ARID1B: variants seen among roughly 807,000 people sequenced by gnomAD.
ARID1B encodes the protein AT-rich interactive domain-containing protein 1B.
A neutral mutation model predicts 212.3 loss-of-function variants in ARID1B; 30 were observed. That is an observed-to-expected ratio of 0.14 (90% CI 0.11 to 0.19). ARID1B has a LOEUF of 0.19. Ranked by LOEUF, ARID1B falls within the 10% of genes least tolerant of loss-of-function variation. The probability of loss-of-function intolerance (pLI) is 1.00; values close to 1 mark genes in which losing one functional copy is unlikely to be tolerated. For missense variants in ARID1B, 2,891 were observed against 3,204.0 expected, an observed-to-expected ratio of 0.90 and a Z score of 2.36; for synonymous variants, 1,402 against 1,301.7, an observed-to-expected ratio of 1.08 and a Z score of -1.66.
chr6:157,063,628 G>C (rs772908050), intron 4 of ARID1B, among the ~76,000 whole-genome samples: 2 of 152,180 alleles, frequency 1.3e-5, no homozygotes, highest in Non-Finnish European at 2.9e-5. Context: ...CATAAAATGT[G>C]TGTAAAATAT....
intron 4 of ARID1B, among the ~76,000 whole-genome samples, chr6:157,078,401 C>T (rs546456843): frequency 6.6e-6 from 1 of 152,254 alleles, no homozygotes; most frequent in African/African-American, 2.4e-5. Context: ...AATACATTTT[C>T]GTACCAAATT....
intron 1 of ARID1B, among the ~76,000 whole-genome samples, chr6:156,808,607 A>G (rs901048909): frequency 6.6e-6 from 1 of 152,106 alleles, no homozygotes; most frequent in Admixed American, 6.5e-5. Flanking sequence ...TTTTGTTTTC[A>G]GTCTCAGCTA....
chr6:156,983,610 G>A (rs1777749677), intron 4 of ARID1B, among the ~76,000 whole-genome samples: 1 of 152,150 alleles, frequency 6.6e-6, no homozygotes, highest in Non-Finnish European at 1.5e-5. Context: ...GGTGGGTGAA[G>A]TCTAAGCCTG....
chr6:156,824,361 A>G (rs932334486), intron 1 of ARID1B, among the ~76,000 whole-genome samples: 3 of 152,222 alleles, frequency 2.0e-5, no homozygotes, highest in African/African-American at 7.2e-5. Context: ...TGCTCGGACA[A>G]TCTATTTAGA....
At chr6:156,918,052 C>T (rs1790498083) in intron 3 of ARID1B, among the ~76,000 whole-genome samples, 1 of 152,056 alleles carries the variant, frequency 6.6e-6, no homozygotes, top group African/African-American at 2.4e-5. Context: ...ATAAAATATC[C>T]ATCATAATCC....
At chr6:156,817,543 T>C (rs1400058644) in intron 1 of ARID1B, among the ~76,000 whole-genome samples, 1 of 151,246 alleles carries the variant, frequency 6.6e-6, no homozygotes, top group Non-Finnish European at 1.5e-5. Context: ...GGTGGGAGGA[T>C]GGGTTGAGCC....
chr6:156,876,191 G>C (rs1786533083), intron 2 of ARID1B, among the ~76,000 whole-genome samples: 1 of 152,230 alleles, frequency 6.6e-6, no homozygotes, highest in Admixed American at 6.5e-5. Flanking sequence ...TTTTGGAGTA[G>C]ATAGCACTGA....
At chr6:156,943,300 C>G (rs918549288) in intron 4 of ARID1B, 5 of 152,134 alleles carry the variant, frequency 3.3e-5, no homozygotes, top group Non-Finnish European at 5.9e-5. Context: ...ACTCCCACCC[C>G]CTAGCTTCAG....
At chr6:156,970,657 A>T (rs1380441849) in intron 4 of ARID1B, among the ~76,000 whole-genome samples, 1 of 152,226 alleles carries the variant, frequency 6.6e-6, no homozygotes, top group East Asian at 1.9e-4. Context: ...TTATAGAGCA[A>T]CTGTCTGTGG....
rs1362680001 is a variant in ARID1B at position 157,108,725 on chromosome 6, G to C, written c.2492-1747G>C. Among the ~76,000 whole-genome samples, 5 of 152,284 alleles carry C rather than the reference G, an allele frequency of 3.3e-5. No individual in the cohort carries two copies. The South Asian group carries it at 6.2e-4, about 19-fold the overall frequency. On this transcript the variant is annotated intron_variant, in intron 5 of 19. Coordinates refer to ENST00000636930, the MANE Select transcript of ARID1B (RefSeq NM_001374828.1). ...CTTTACATTTAATTATTTGGTACTA[G>C]TACTAATTTACTACAAATGTCTGAA...
intron 12 of ARID1B, among the ~76,000 whole-genome samples, chr6:157,182,872 C>A (rs1792666753): frequency 6.6e-6 from 1 of 152,170 alleles, no homozygotes; most frequent in Admixed American, 6.5e-5. Context: ...CTCCCCTGAC[C>A]TTTCTCCCCT....
At chr6:156,966,673 G>C (rs1462067819) in intron 4 of ARID1B, among the ~76,000 whole-genome samples, 4 of 151,608 alleles carry the variant, frequency 2.6e-5, no homozygotes, top group Non-Finnish European at 5.9e-5. Context: ...GGGATTACAG[G>C]CATGAGCCAC....
chr6:157,130,830 C>T (rs1293350559), intron 6 of ARID1B, among the ~76,000 whole-genome samples: 2 of 152,196 alleles, frequency 1.3e-5, no homozygotes, highest in African/African-American at 4.8e-5. Context: ...AGAAACCTGC[C>T]CGTCTCCAGC....
chr6:156,950,519 A>G (rs1793502626), intron 4 of ARID1B, among the ~76,000 whole-genome samples: 1 of 152,264 alleles, frequency 6.6e-6, no homozygotes, highest in Non-Finnish European at 1.5e-5. Flanking sequence ...TATAGGAAAT[A>G]TACCTTTTTC....
At chr6:157,060,000 A>G (rs1388727161) in intron 4 of ARID1B, among the ~76,000 whole-genome samples, 1 of 152,162 alleles carries the variant, frequency 6.6e-6, no homozygotes, top group Non-Finnish European at 1.5e-5. Flanking sequence ...GAGGAAGTGT[A>G]TTGTTCCTGG....
intron 11 of ARID1B, chr6:157,175,413 CT>C (rs954800666): frequency 6.6e-6 from 1 of 152,286 alleles, no homozygotes; most frequent in African/African-American, 2.4e-5. Flanking sequence ...AGTTTGGCCC[CT>C]GACCTGTATT....
At chr6:157,125,999 A>C (rs1470866266) in intron 6 of ARID1B, among the ~76,000 whole-genome samples, 1 of 152,238 alleles carries the variant, frequency 6.6e-6, no homozygotes, top group African/African-American at 2.4e-5. Context: ...TGCTTTTTAA[A>C]AAATACTCTC....
chr6:157,086,136 A>G (rs1191740572), intron 5 of ARID1B, among the ~76,000 whole-genome samples: 1 of 152,264 alleles, frequency 6.6e-6, no homozygotes, highest in Non-Finnish European at 1.5e-5. Flanking sequence ...GGATAGCGGC[A>G]TAAGCCAGAA....
At chr6:157,186,757 A>G (rs1397148798) in intron 13 of ARID1B, 1 of 343,496 alleles carries the variant, frequency 2.9e-6, no homozygotes, top group Middle Eastern at 1.1e-3. Flanking sequence ...CAGGCGAACT[A>G]AACTAAAAGA....
Sources: gnomAD v4.1 joint callset for allele counts (sites outside exome capture counted in the v4.1 genomes callset) on GRCh38, gnomAD v4.1.1 for gene constraint, MANE v1.5 for transcripts, NCBI Gene and HGNC (gene_info 2026-07-23, HGNC 2026-07-21) for gene names.